C2CD3: variants seen among roughly 807,000 people sequenced by gnomAD.
C2CD3 encodes the protein C2 domain containing 3 centriole elongation regulator, also known as C2 domain-containing protein 3.
In C2CD3, 148 loss-of-function variants were observed where a neutral mutation model predicts 234.0. The observed-to-expected ratio is 0.63, with a 90% CI of 0.55 to 0.72. C2CD3 has a LOEUF of 0.72. C2CD3 is among the 30% of genes least tolerant of loss of function. C2CD3 has a pLI of 0.00. For missense variants in C2CD3, 2,577 were observed against 2,811.5 expected (o/e 0.92, Z 1.89); for synonymous variants, 1,000 against 1,035.4 (o/e 0.97, Z 0.66).
intron 5 of C2CD3, among the ~76,000 whole-genome samples, chr11:74,135,082 A>G (rs2135539266): frequency 6.6e-6 from 1 of 152,248 alleles, no homozygotes; most frequent in African/African-American, 2.4e-5. Context: ...TAAATATCAT[A>G]TGTTCAATGT....
chr11:74,128,554 A>T (rs2135530475), intron 7 of C2CD3: 1 of 152,440 alleles, frequency 6.6e-6, no homozygotes, highest in Non-Finnish European at 1.5e-5. Flanking sequence ...TTATTTATTT[A>T]TTTATTTTTT....
intron 9 of C2CD3, among the ~76,000 whole-genome samples, chr11:74,115,456 G>A (rs1416999705): frequency 6.6e-6 from 1 of 151,870 alleles, no homozygotes; most frequent in Admixed American, 6.6e-5. Flanking sequence ...TGTGATCACA[G>A]TACACATACA....
At chr11:74,123,646 A>G (rs964198692) in intron 7 of C2CD3, among the ~76,000 whole-genome samples, 1 of 152,160 alleles carries the variant, frequency 6.6e-6, no homozygotes, top group Non-Finnish European at 1.5e-5. Flanking sequence ...CAGTTTACAA[A>G]CTAATAGGAA....
chr11:74,165,684 C>T (rs552608576), intron 2 of C2CD3, among the ~76,000 whole-genome samples: 74 of 152,068 alleles, frequency 4.9e-4, no homozygotes, highest in Non-Finnish European at 9.6e-4. Flanking sequence ...AACAGGGTCT[C>T]ACTCTGTCAC....
intron 30 of C2CD3, chr11:74,034,489 C>T: frequency 1.3e-6 from 2 of 1,583,824 alleles, no homozygotes; most frequent in South Asian, 1.1e-5. Context: ...AGAATCTAAT[C>T]TATAGTTGTG....
At chr11:74,132,678 T>TA (rs1957713673) in intron 7 of C2CD3, among the ~76,000 whole-genome samples, 166 bp downstream of exon 7, 1 of 152,232 alleles carries the variant, frequency 6.6e-6, no homozygotes, top group Non-Finnish European at 1.5e-5. Context: ...AGTAAAGGGC[T>TA]AAAGTATGGA....
intron 25 of C2CD3, among the ~76,000 whole-genome samples, chr11:74,056,418 C>T (rs1591352476): frequency 1.3e-5 from 2 of 152,324 alleles, no homozygotes; most frequent in South Asian, 4.2e-4. Flanking sequence ...CAGTGGCTGA[C>T]AGAACTTTAC....
In C2CD3 at chr11:74,074,580, G is replaced by T. The variant is rs761456752; in HGVS notation, c.4624C>A (p.Arg1542=). 5 of 1,613,428 alleles carry T rather than the reference G, an allele frequency of 3.1e-6. No individual in the cohort carries two copies. Among genetic ancestry groups the T allele is most frequent in the Non-Finnish European group, 4.2e-6 (5 of 1,179,638 alleles). ...GCTCCTGAGAGGTTGGAAGCATTTC[G>T]TCCAAACAGAGGATACACACCTAAA... ...TVSGVYPLFG[R]NASNLSGAAL... Residue 1542 remains arginine, a synonymous_variant, in exon 24 of 33, where the codon CGA becomes AGA. Transcript: ENST00000334126.
At chr11:74,090,123 G>C (rs2135480718) in intron 20 of C2CD3, among the ~76,000 whole-genome samples, 1 of 152,202 alleles carries the variant, frequency 6.6e-6, no homozygotes. Flanking sequence ...AGTAAGCAGA[G>C]GGCAGACTAG....
At chr11:74,114,794 T>C (rs1956870489) in intron 9 of C2CD3, among the ~76,000 whole-genome samples, 1 of 152,150 alleles carries the variant, frequency 6.6e-6, no homozygotes, top group South Asian at 2.1e-4. Context: ...CTTGACCTCC[T>C]GGGCTCAAAT....
At chr11:74,092,381 T>C in intron 19 of C2CD3, 35 bp downstream of exon 19, 2 of 1,586,644 alleles carry the variant, frequency 1.3e-6, no homozygotes, top group Non-Finnish European at 1.7e-6. Flanking sequence ...TGTATACTGA[T>C]TTTGAAAGAA....
chr11:74,133,387 A>G, intron 6 of C2CD3, 38 bp downstream of exon 6: 1 of 1,586,096 alleles, frequency 6.3e-7, no homozygotes. Flanking sequence ...AACTATTAAG[A>G]AATGAACTGT....
chr11:74,060,615 G>A lies in C2CD3; in HGVS notation c.4952-3071C>T, dbSNP rs148593986. Among the ~76,000 whole-genome samples the A allele has an allele frequency of 1.3e-3, 199 of 152,294 alleles. 3 individuals carry two copies. The highest frequency in any genetic ancestry group is 4.0e-3 in the African/African-American group (167 of 41,552). ...GGACATCCACACCAAAACCCCATGT[G>A]GACGTCACCATCATCAAAGACCAAA... On this transcript the variant is annotated intron_variant, in intron 24 of 32. Transcript: ENST00000334126.
intron 9 of C2CD3, among the ~76,000 whole-genome samples, chr11:74,117,759 C>T (rs144817961): frequency 6.6e-6 from 1 of 151,962 alleles, no homozygotes; most frequent in Non-Finnish European, 1.5e-5. Context: ...ACTAAAAATA[C>T]AAAATTAGTC....
chr11:74,130,115 TGGGGAG>T lies in C2CD3; in HGVS notation c.1217+2723_1217+2728del, dbSNP rs1565328349. The T allele has an allele frequency of 5.5e-4, 5 of 9,026 alleles. No individual in the cohort carries two copies. In the Admixed American group the frequency reaches 5.6e-3, roughly 10 times the overall value. The allele number at this position is 9,026 out of a possible 1,614,324, so 0.6% of individuals were successfully genotyped here. ...GAGAGGGAGAGGGAGAGGGAGACCG[TGGGGAG>T]GGGGAGAGGGAGAGGGAGAGGGAGA... On this transcript the variant is annotated intron_variant, in intron 7 of 32. Transcript: ENST00000334126.
At chr11:74,095,458 A>G (rs200408026) in intron 16 of C2CD3, 50 bp from the exon 17 acceptor site, 1 of 1,435,994 alleles carries the variant, frequency 7.0e-7, no homozygotes, top group East Asian at 2.3e-5. Flanking sequence ...TAACTTGCTT[A>G]GAATATTTCT....
chr11:74,105,272 ATT>A (rs780307644), intron 13 of C2CD3, among the ~76,000 whole-genome samples: 1 of 147,410 alleles, frequency 6.8e-6, no homozygotes, highest in Non-Finnish European at 1.5e-5. Context: ...GGCTGTGATG[ATT>A]TTTTTTTTTC....
Position 74,113,767 on chromosome 11 carries a change from G to C in C2CD3, c.1843+13C>G, listed in dbSNP as rs779313536. The C allele has an allele frequency of 1.4e-5, 20 of 1,437,990 alleles. No individual in the cohort carries two copies. Among genetic ancestry groups the C allele is most frequent in the Non-Finnish European group, 1.9e-5 (19 of 1,020,616 alleles). 89.1% of individuals were successfully genotyped at this position (1,437,990 alleles called of 1,614,324 possible). A position where few individuals can be genotyped will look rare whatever the true frequency, so the allele number is the denominator to read the frequency against. ...AGAATGTCTAAGGTGCAGAAAACCA[G>C]TGTGTCTCTTACTTCCATCTGTAAT... On this transcript the variant is annotated intron_variant, in intron 11 of 32. Coordinates refer to ENST00000334126, the MANE Select transcript of C2CD3 (RefSeq NM_001286577.2).
chr11:74,055,352 A>G (rs1953905009), intron 25 of C2CD3, among the ~76,000 whole-genome samples: 1 of 151,926 alleles, frequency 6.6e-6, no homozygotes, highest in East Asian at 1.9e-4. Flanking sequence ...AGTGGAATCC[A>G]CTGAACACCT....
Sources: gnomAD v4.1 joint callset for allele counts (sites outside exome capture counted in the v4.1 genomes callset) on GRCh38, gnomAD v4.1.1 for gene constraint, MANE v1.5 for transcripts, NCBI Gene and HGNC (gene_info 2026-07-23, HGNC 2026-07-21) for gene names.